Variants in IL7 observed in about 807,000 individuals in gnomAD.
IL7 encodes interleukin-7.
A neutral mutation model predicts 21.6 loss-of-function variants in IL7; 3 were observed. The observed-to-expected ratio is 0.14, with a 90% CI of 0.06 to 0.36. IL7 has a LOEUF of 0.36. Among genes scored for constraint, IL7 ranks in the 10% least tolerant of loss-of-function variants. The pLI is 1.00. For missense variants in IL7, 175 were observed against 200.2 expected (o/e 0.87, Z 0.76); for synonymous variants, 62 against 68.1 (o/e 0.91, Z 0.44).
chr8:78,712,104 C>T, intron 3 of IL7: 1 of 1,280,810 alleles, frequency 7.8e-7, no homozygotes, highest in South Asian at 1.2e-5. Context: ...TACCTATTTA[C>T]AAGTAAGTAT....
At chr8:78,771,306 T>C (rs1204768065) in intron 2 of IL7, among the ~76,000 whole-genome samples, 3 of 152,112 alleles carry the variant, frequency 2.0e-5, no homozygotes, top group East Asian at 1.9e-4. Flanking sequence ...AAGACTTAGA[T>C]ACTAAGTAAA....
At chr8:78,695,220 G>C (rs1810359113) in intron 3 of IL7, among the ~76,000 whole-genome samples, 1 of 152,110 alleles carries the variant, frequency 6.6e-6, no homozygotes, top group Admixed American at 6.5e-5. Context: ...GTTCTGAATA[G>C]CTCAGAAAAC....
chr8:78,700,678 G>C (rs1810572204), intron 3 of IL7, among the ~76,000 whole-genome samples: 2 of 152,098 alleles, frequency 1.3e-5, no homozygotes, highest in Admixed American at 6.6e-5. Context: ...GTTAATTTTT[G>C]TATATGGTGG....
chr8:78,718,330 A>T lies in IL7; in HGVS notation n.579-288T>A, dbSNP rs1366054442. 3 of 151,896 alleles carry T rather than the reference A, an allele frequency of 2.0e-5. No individual in the cohort carries two copies. In the East Asian group the frequency reaches 5.8e-4, roughly 29 times the overall value. The allele number at this position is 151,896 out of a possible 1,614,324, so 9.4% of individuals were successfully genotyped here. A position where few individuals can be genotyped will look rare whatever the true frequency, so the allele number is the denominator to read the frequency against. On this transcript the variant is annotated intron_variant and non_coding_transcript_variant, in intron 6 of 6. Transcript: ENST00000519833. ...CTGTATTTGAAAATGTAATTATTTAATATAGAAGGCACAGAATTCCCTGCA... is the reference window on the plus strand; with the variant it reads ...CTGTATTTGAAAATGTAATTATTTATTATAGAAGGCACAGAATTCCCTGCA...
In IL7 at chr8:78,775,669, G is replaced by A. The variant is rs555258748; in HGVS notation, c.147+22403C>T. On this transcript the variant is annotated intron_variant, in intron 2 of 5. Coordinates refer to ENST00000263851, the MANE Select transcript of IL7 (RefSeq NM_000880.4). ...TTCCAGTCCTTTTTCTTCCTGTAGC[G>A]TTTTACTGACTTACTGTAACCTCTC... Among the ~76,000 whole-genome samples, 16 of 152,128 alleles carry A rather than the reference G, an allele frequency of 1.1e-4. No homozygotes were observed. In the East Asian group the frequency reaches 2.1e-3, roughly 20 times the overall value.
intron 2 of IL7, among the ~76,000 whole-genome samples, chr8:78,776,154 T>A (rs190762050): frequency 1.8e-3 from 271 of 152,210 alleles, no homozygotes; most frequent in Admixed American, 3.5e-3. Flanking sequence ...GCATCACTAC[T>A]CTTGCTTTTT....
At chr8:78,780,840 C>A (rs1361339917) in intron 2 of IL7, among the ~76,000 whole-genome samples, 3 of 152,136 alleles carry the variant, frequency 2.0e-5, no homozygotes, top group African/African-American at 7.2e-5. Context: ...GTGTTAAATT[C>A]TCTCACTATT....
chr8:78,686,303 G>A (rs1809969240), intron 3 of IL7, among the ~76,000 whole-genome samples: 1 of 152,106 alleles, frequency 6.6e-6, no homozygotes, highest in Non-Finnish European at 1.5e-5. Context: ...CAATGTAGTT[G>A]CATAAAGTTT....
At chr8:78,675,304 A>G (rs1809545511), downstream of IL7, among the ~76,000 whole-genome samples, 1 of 151,954 alleles carries the variant, frequency 6.6e-6, no homozygotes, top group South Asian at 2.1e-4. Context: ...TCTTAATCTT[A>G]TAGCATTGTA....
intron 2 of IL7, among the ~76,000 whole-genome samples, chr8:78,787,696 G>T (rs112313437): frequency 0.024 from 3,666 of 152,198 alleles, 150 homozygotes; most frequent in African/African-American, 0.084. Flanking sequence ...ATATTTAGGG[G>T]TCATTTCCCC....
At chr8:78,714,330 T>C (rs1811034180), downstream of IL7, among the ~76,000 whole-genome samples, 1 of 152,150 alleles carries the variant, frequency 6.6e-6, no homozygotes, top group Non-Finnish European at 1.5e-5. Context: ...ATGGGCAAAA[T>C]AATTAGAATT....
At chr8:78,700,700 C>T (rs1023523763) in intron 3 of IL7, among the ~76,000 whole-genome samples, 1 of 152,094 alleles carries the variant, frequency 6.6e-6, no homozygotes, top group Non-Finnish European at 1.5e-5. Flanking sequence ...AGGAAGGGAT[C>T]CAGTTTCAGT....
intron 2 of IL7, among the ~76,000 whole-genome samples, chr8:78,786,833 T>C (rs952163968): frequency 1.3e-5 from 2 of 152,052 alleles, no homozygotes; most frequent in African/African-American, 4.8e-5. Flanking sequence ...CCAGCCCCAG[T>C]CCCAGCCCCT....
At chr8:78,696,369 C>A (rs183162899) in intron 3 of IL7, among the ~76,000 whole-genome samples, 66 of 152,192 alleles carry the variant, frequency 4.3e-4, no homozygotes, top group Non-Finnish European at 8.1e-4. Flanking sequence ...ATCTTGATAC[C>A]GTATTGGGCT....
intron 3 of IL7, among the ~76,000 whole-genome samples, chr8:78,690,028 A>G (rs565198016): frequency 1.3e-5 from 2 of 152,136 alleles, no homozygotes; most frequent in East Asian, 1.9e-4. Context: ...TGGATATTCT[A>G]TTGTTTTAGC....
chr8:78,755,643 T>C (rs2130746539), intron 2 of IL7, among the ~76,000 whole-genome samples: 1 of 152,140 alleles, frequency 6.6e-6, no homozygotes, highest in Middle Eastern at 3.4e-3. Context: ...TAGTTCATTA[T>C]GATATAAAAA....
chr8:78,799,567 A>G (rs1344460391), intron 1 of IL7, among the ~76,000 whole-genome samples: 1 of 152,140 alleles, frequency 6.6e-6, no homozygotes, highest in Non-Finnish European at 1.5e-5. Flanking sequence ...GAATTAACTT[A>G]GGAGACAGAT....
At chr8:78,747,946 T>C (rs970174996) in intron 2 of IL7, among the ~76,000 whole-genome samples, 2 of 152,168 alleles carry the variant, frequency 1.3e-5, no homozygotes, top group Non-Finnish European at 2.9e-5. Flanking sequence ...GAGATCTCAA[T>C]CATAAGTACC....
chr8:78,793,052 A>G (rs757386145), intron 2 of IL7, among the ~76,000 whole-genome samples: 14 of 152,162 alleles, frequency 9.2e-5, no homozygotes, highest in Non-Finnish European at 1.9e-4. Flanking sequence ...ATGAAGAGAA[A>G]TGAAATACTA....
Sources: allele counts gnomAD v4.1 joint callset (sites outside exome capture counted in the v4.1 genomes callset), GRCh38; gene constraint gnomAD v4.1.1; transcripts MANE v1.5; gene names NCBI Gene and HGNC (gene_info 2026-07-23, HGNC 2026-07-21).